The following ZNF140 variants were observed in gnomAD, a reference collection of about 807,000 sequenced individuals.
ZNF140 encodes the protein zinc finger protein 140.
Under a neutral mutation model 12.9 loss-of-function variants are expected in ZNF140, and 13 were observed. The observed-to-expected ratio is 1.01, with a 90% CI of 0.66 to 1.60. The LOEUF (loss-of-function observed/expected upper bound fraction) is 1.60, where lower values mean the gene tolerates loss of function less well. Ranked by LOEUF, ZNF140 falls within the 40% of genes most tolerant of loss-of-function variation. ZNF140 has a pLI of 0.00. For synonymous variants in ZNF140, 214 were observed against 186.7 expected, an observed-to-expected ratio of 1.15 and a Z score of -1.19; for missense variants, 531 against 548.8, an observed-to-expected ratio of 0.97 and a Z score of 0.32.
intron 4 of ZNF140, among the ~76,000 whole-genome samples, chr12:133,088,775 T>C (rs1954764478): frequency 6.6e-6 from 1 of 152,190 alleles, no homozygotes; most frequent in Non-Finnish European, 1.5e-5. Context: ...GATTGGTTGT[T>C]GGATTTTGCT....
At chr12:133,100,511 G>A (rs1955309489) in intron 4 of ZNF140, among the ~76,000 whole-genome samples, 1 of 152,118 alleles carries the variant, frequency 6.6e-6, no homozygotes, top group Non-Finnish European at 1.5e-5. Context: ...TGCACTTGTG[G>A]TTGCAACTTT....
At position 133,091,249 on chromosome 12, in the gene ZNF140, G is replaced by C. The variant is rs1166368535; in HGVS notation, c.232+7688G>C. On this transcript the variant is annotated intron_variant, in intron 4 of 4. Transcript: ENST00000355557. ...TCTGCGGCTTTCTGCAGTGCACTGT[G>C]CCCTGGTTTATTGAGACTAGAGAAT... 3.9e-3 allele frequency among the ~76,000 whole-genome samples: 568 copies of C among 147,122 alleles called. 14 individuals carry two copies. The highest frequency in any genetic ancestry group is 0.014 in the Middle Eastern group (4 of 294).
intron 2 of ZNF140, chr12:133,081,562 ACCACCTG>A (rs1408388679): frequency 3.2e-4 from 146 of 454,768 alleles, no homozygotes; most frequent in Non-Finnish European, 6.2e-4. Flanking sequence ...TTCTCCTACA[ACCACCTG>A]CCTGGCAGAA....
intron 4 of ZNF140, among the ~76,000 whole-genome samples, chr12:133,091,115 G>A (rs1232704793): frequency 6.7e-6 from 1 of 149,114 alleles, no homozygotes; most frequent in Non-Finnish European, 1.5e-5. Flanking sequence ...ACCTTTTACA[G>A]GTGTCGGGCT....
intron 4 of ZNF140, among the ~76,000 whole-genome samples, chr12:133,096,076 C>T (rs1783548620): frequency 6.6e-6 from 1 of 151,568 alleles, no homozygotes; most frequent in East Asian, 1.9e-4. Flanking sequence ...ATGGTCAGGT[C>T]TTTCTCATCC....
At chr12:133,083,662 A>G in intron 4 of ZNF140, 101 bp downstream of exon 4, 1 of 1,184,462 alleles carries the variant, frequency 8.4e-7, no homozygotes, top group Non-Finnish European at 1.2e-6. Context: ...ATTTTCCCTT[A>G]AAGATACTAG....
chr12:133,105,835 G>GA lies in ZNF140; in HGVS notation c.561dup (p.Pro188ThrfsTer5), dbSNP rs1955571131. On this transcript the variant is annotated frameshift_variant, in exon 5 of 5. Coordinates refer to ENST00000355557, the MANE Select transcript of ZNF140 (RefSeq NM_003440.4). LOFTEE classifies it low-confidence loss of function (END_TRUNC). ...TACACCAGAGGACTCATACTGGAGAGAAACCATATGCATGTAAGGAATGTG... is the reference window on the plus strand; with the variant it reads ...TACACCAGAGGACTCATACTGGAGAGAAAACCATATGCATGTAAGGAATGTG... 1 of 1,614,192 alleles carries GA rather than the reference G, an allele frequency of 6.2e-7. No individual in the cohort carries two copies. The highest frequency in any genetic ancestry group is 8.5e-7 in the Non-Finnish European group (1 of 1,180,042).
chr12:133,093,465 G>A (rs1954964051), intron 4 of ZNF140: 1 of 699,516 alleles, frequency 1.4e-6, no homozygotes, highest in African/African-American at 1.8e-5. Flanking sequence ...CCATGTCGAC[G>A]GCTCCGCTTT....
rs1323706347 is a variant in ZNF140, at chr12:133,081,346, TAA to T, written c.9+19_9+20del. The T allele has an allele frequency of 8.5e-6, 4 of 470,646 alleles. No homozygotes were observed. The highest frequency in any genetic ancestry group is 4.0e-5 in the Admixed American group (1 of 25,308). The allele number at this position is 470,646 out of a possible 1,614,324, so 29.2% of individuals were successfully genotyped here. A position where few individuals can be genotyped will look rare whatever the true frequency, so the allele number is the denominator to read the frequency against. ...ATGTCTCAGGTAAGCTAATGATTGA[TAA>T]ATATATATATATATATATATATAAA... On this transcript the variant is annotated intron_variant, in intron 2 of 4. Coordinates refer to ENST00000355557, the MANE Select transcript of ZNF140 (RefSeq NM_003440.4).
At chr12:133,092,330 C>T (rs890585361) in intron 4 of ZNF140, among the ~76,000 whole-genome samples, 8 of 151,174 alleles carry the variant, frequency 5.3e-5, no homozygotes, top group African/African-American at 1.2e-4. Flanking sequence ...TAACAGAATA[C>T]GATGCTGCCA....
At chr12:133,095,205 G>A (rs1955025710) in intron 4 of ZNF140, among the ~76,000 whole-genome samples, 1 of 151,076 alleles carries the variant, frequency 6.6e-6, no homozygotes, top group Admixed American at 6.6e-5. Flanking sequence ...ACCATGGGCA[G>A]AATTGTTCTA....
intron 4 of ZNF140, among the ~76,000 whole-genome samples, chr12:133,102,141 A>C (rs935645737): frequency 3.9e-5 from 6 of 152,236 alleles, no homozygotes; most frequent in African/African-American, 1.4e-4. Context: ...ATTAGTTCTT[A>C]ATTTTTTTTC....
At chr12:133,096,113 A>T (rs1406995011) in intron 4 of ZNF140, among the ~76,000 whole-genome samples, 1 of 151,650 alleles carries the variant, frequency 6.6e-6, no homozygotes, top group African/African-American at 2.4e-5. Context: ...AGACTATCAC[A>T]TGGGGAGAAA....
At chr12:133,095,876 G>T (rs796351200) in intron 4 of ZNF140, among the ~76,000 whole-genome samples, 4 of 151,046 alleles carry the variant, frequency 2.6e-5, no homozygotes, top group Non-Finnish European at 5.9e-5. Flanking sequence ...AACATATCTC[G>T]CCTCCCACCA....
At chr12:133,089,803 G>T (rs1954795737) in intron 4 of ZNF140, among the ~76,000 whole-genome samples, 1 of 148,922 alleles carries the variant, frequency 6.7e-6, no homozygotes, top group South Asian at 2.1e-4. Context: ...AGGTTGATTT[G>T]GTTGCTTTTC....
At chr12:133,102,105 G>A (rs1955370137) in intron 4 of ZNF140, among the ~76,000 whole-genome samples, 1 of 152,146 alleles carries the variant, frequency 6.6e-6, no homozygotes, top group African/African-American at 2.4e-5. Context: ...ATCATGGTAA[G>A]CCTGTGCTTC....
At position 133,106,507 on chromosome 12, in the gene ZNF140, G is replaced by A. The variant is rs1195268011; in HGVS notation, c.1230G>A (p.Glu410=). 3 of 1,613,968 alleles carry A rather than the reference G, an allele frequency of 1.9e-6. No individual in the cohort carries two copies. The highest frequency in any genetic ancestry group is 2.5e-6 in the Non-Finnish European group (3 of 1,180,022). The change falls in exon 5 of 5, where the codon GAG becomes GAA. Residue 410 remains glutamate (E), a synonymous_variant. Transcript: ENST00000355557. Reference sequence around the variant, plus strand: ...TACATCAGAGAACTCATACTGGAGAGAAACCCTATGTATGTAAGGTATGCA... The same window carrying A: ...TACATCAGAGAACTCATACTGGAGAAAAACCCTATGTATGTAAGGTATGCA... ...LILHQRTHTG[E]KPYVCKVCNK... is the part of the protein sequence containing the mutation.
At chr12:133,100,987 G>T (rs1043155339) in intron 4 of ZNF140, 21 of 454,790 alleles carry the variant, frequency 4.6e-5, no homozygotes, top group African/African-American at 4.0e-4. Context: ...TTGAACAAAG[G>T]TAACTGAAGT....
upstream of ZNF140, chr12:133,080,784 C>T (rs1218208244): frequency 6.6e-6 from 1 of 152,412 alleles, no homozygotes; most frequent in Admixed American, 6.5e-5. Context: ...ACGAAAAGCC[C>T]TTGCGCGCAG....
Sources: allele counts gnomAD v4.1 joint callset (sites outside exome capture counted in the v4.1 genomes callset), GRCh38; gene constraint gnomAD v4.1.1; transcripts MANE v1.5; gene names NCBI Gene and HGNC (gene_info 2026-07-23, HGNC 2026-07-21).